Variants in DPP4 observed in about 807,000 individuals in gnomAD.
The protein encoded by DPP4 is ADCP-2.
Under a neutral mutation model 122.4 loss-of-function variants are expected in DPP4, and 93 were observed. The ratio of observed to expected loss-of-function variants is 0.76; its 90% CI spans 0.64 to 0.90. The LOEUF (loss-of-function observed/expected upper bound fraction) is 0.90. DPP4 is among the 40% of genes least tolerant of loss of function. DPP4 has a pLI of 0.00. For missense variants in DPP4, 914 were observed against 907.3 expected (o/e 1.01, Z -0.09); for synonymous variants, 321 against 302.9 (o/e 1.06, Z -0.62).
chr2:162,015,570 T>G (rs1559709556), intron 18 of DPP4, among the ~76,000 whole-genome samples: 1 of 152,160 alleles, frequency 6.6e-6, no homozygotes, highest in Non-Finnish European at 1.5e-5. Flanking sequence ...AGATGTATAG[T>G]CTTTGGTTTG....
At chr2:162,001,581 T>C (rs1217173502) in intron 23 of DPP4, among the ~76,000 whole-genome samples, 1 of 152,218 alleles carries the variant, frequency 6.6e-6, no homozygotes, top group Non-Finnish European at 1.5e-5. Context: ...GCCAGGCACC[T>C]TGAATGGGTG....
At chr2:162,059,458 C>T (rs755631907) in intron 2 of DPP4, among the ~76,000 whole-genome samples, 38 of 152,136 alleles carry the variant, frequency 2.5e-4, no homozygotes, top group Non-Finnish European at 4.7e-4. Context: ...CTCACTGGCC[C>T]GTGAAACATG....
chr2:162,055,612 C>T (rs116554063), intron 2 of DPP4, among the ~76,000 whole-genome samples: 2,535 of 150,768 alleles, frequency 0.017, 74 homozygotes, highest in African/African-American at 0.059. Context: ...TGAGAGGTTG[C>T]AGTGAGCCGA....
At chr2:162,058,320 C>A (rs890008007) in intron 2 of DPP4, among the ~76,000 whole-genome samples, 2 of 152,152 alleles carry the variant, frequency 1.3e-5, no homozygotes, top group Admixed American at 6.5e-5. Context: ...AGGTAGGAAC[C>A]CCTCAGATCA....
chr2:162,005,860 T>C (rs1196488941), intron 22 of DPP4, 51 bp from the exon 23 acceptor site: 1 of 1,488,292 alleles, frequency 6.7e-7, no homozygotes, highest in East Asian at 2.4e-5. Context: ...AATAACAACT[T>C]TTCTTGCTTT....
intron 10 of DPP4, among the ~76,000 whole-genome samples, chr2:162,025,828 T>C (rs771487803): frequency 4.0e-4 from 61 of 152,236 alleles, no homozygotes; most frequent in Non-Finnish European, 6.8e-4. Context: ...ATGAGTGTGT[T>C]CATCTCCCTC....
intron 2 of DPP4, among the ~76,000 whole-genome samples, chr2:162,067,377 A>G (rs1439265409): frequency 6.6e-6 from 1 of 152,196 alleles, no homozygotes; most frequent in Non-Finnish European, 1.5e-5. Flanking sequence ...GACCTGCTTG[A>G]TACTCACCTC....
At chr2:162,061,564 T>G (rs188273331) in intron 2 of DPP4, among the ~76,000 whole-genome samples, 1 of 152,216 alleles carries the variant, frequency 6.6e-6, no homozygotes, top group African/African-American at 2.4e-5. Flanking sequence ...GATAAACGTA[T>G]TCTATCTTTT....
In DPP4 at chr2:162,016,864, G is replaced by A. The variant is rs767509448; in HGVS notation, c.1471C>T (p.Leu491=). Residue 491 remains leucine, a splice_region_variant and synonymous_variant, in exon 18 of 26, where the codon CTG becomes TTG. Coordinates refer to ENST00000360534, the MANE Select transcript of DPP4 (RefSeq NM_001935.4). ...TLHSSVNDKG[L]RVLEDNSALD... is the part of the protein sequence containing the mutation. Reference sequence around the variant, plus strand: ...GCTGAATTGTCTTCCAGGACTCTCAGCCCTAAAGAAATACAGGAGACAGCA... The same window carrying A: ...GCTGAATTGTCTTCCAGGACTCTCAACCCTAAAGAAATACAGGAGACAGCA... The A allele has an allele frequency of 6.2e-7, 1 of 1,609,142 alleles. No individual in the cohort carries two copies. Among genetic ancestry groups the A allele is most frequent in the South Asian group, 1.1e-5 (1 of 89,640 alleles).
intron 23 of DPP4, among the ~76,000 whole-genome samples, chr2:161,998,207 A>C (rs1488153677): frequency 6.6e-6 from 1 of 152,238 alleles, no homozygotes; most frequent in Non-Finnish European, 1.5e-5. Flanking sequence ...GGAAAGGGTC[A>C]AAATAAATCT....
intron 19 of DPP4, among the ~76,000 whole-genome samples, chr2:162,013,580 CTT>C (rs1355260280): frequency 6.6e-6 from 1 of 151,846 alleles, no homozygotes. Flanking sequence ...CCTTCAATGT[CTT>C]TTTCCGTATA....
At chr2:162,018,608 A>C in intron 16 of DPP4, 121 bp downstream of exon 16, 2 of 1,263,806 alleles carry the variant, frequency 1.6e-6, no homozygotes, top group Non-Finnish European at 2.2e-6. Flanking sequence ...CTTAAATGTG[A>C]GTGGAGAGAA....
At chr2:162,039,089 G>A (rs199784855) in intron 6 of DPP4, 43 bp downstream of exon 6, 3 of 1,610,414 alleles carry the variant, frequency 1.9e-6, no homozygotes, top group Non-Finnish European at 2.5e-6. Context: ...TTAAAAATAT[G>A]ACAGTAGGAA....
chr2:161,998,736 T>G (rs1321888881), intron 23 of DPP4, among the ~76,000 whole-genome samples: 1 of 152,132 alleles, frequency 6.6e-6, no homozygotes, highest in Non-Finnish European at 1.5e-5. Flanking sequence ...AAGACAATTT[T>G]TATAAACAAG....
intron 2 of DPP4, among the ~76,000 whole-genome samples, chr2:162,051,648 A>C (rs1293455031): frequency 6.6e-6 from 1 of 152,220 alleles, no homozygotes; most frequent in Non-Finnish European, 1.5e-5. Context: ...AACGAGTGTT[A>C]CTCCAAAATT....
chr2:162,053,524 G>C (rs1202591626), intron 2 of DPP4, among the ~76,000 whole-genome samples: 1 of 152,198 alleles, frequency 6.6e-6, no homozygotes, highest in African/African-American at 2.4e-5. Flanking sequence ...GCCGTCCGTA[G>C]GCCACAGGTT....
chr2:162,048,204 G>A (rs1308557026), intron 2 of DPP4, among the ~76,000 whole-genome samples: 1 of 152,104 alleles, frequency 6.6e-6, no homozygotes, highest in African/African-American at 2.4e-5. Flanking sequence ...AACAGAATTT[G>A]TGTGTTTCTA....
chr2:162,006,209 A>T (rs976229301), intron 22 of DPP4, among the ~76,000 whole-genome samples: 3 of 152,194 alleles, frequency 2.0e-5, no homozygotes, highest in Non-Finnish European at 2.9e-5. Flanking sequence ...TAACATTATC[A>T]TATGACCCTC....
At chr2:162,058,997 T>C (rs1490698160) in intron 2 of DPP4, among the ~76,000 whole-genome samples, 2 of 152,182 alleles carry the variant, frequency 1.3e-5, no homozygotes, top group African/African-American at 4.8e-5. Context: ...GACTCCAATA[T>C]ATGTAGCAGA....
Sources: allele counts gnomAD v4.1 joint callset (sites outside exome capture counted in the v4.1 genomes callset), GRCh38; gene constraint gnomAD v4.1.1; transcripts MANE v1.5; gene names NCBI Gene and HGNC (gene_info 2026-07-23, HGNC 2026-07-21).